ANO4: variants seen among roughly 807,000 people sequenced by gnomAD.
The protein encoded by ANO4 is anoctamin 4.
Under a neutral mutation model 141.9 loss-of-function variants are expected in ANO4, and 69 were observed. That is an observed-to-expected ratio of 0.49 (90% CI 0.40 to 0.59). ANO4 has a LOEUF of 0.59. Among genes scored for constraint, ANO4 ranks in the 20% least tolerant of loss-of-function variants. The pLI, the probability that ANO4 is intolerant of heterozygous loss-of-function variation, is 0.00. For synonymous variants in ANO4, 350 were observed against 394.3 expected (o/e 0.89, Z 1.33); for missense variants, 894 against 1,162.2 (o/e 0.77, Z 3.36).
chr12:100,774,793 A>G (rs534182803), intron 3 of ANO4, among the ~76,000 whole-genome samples: 1 of 152,348 alleles, frequency 6.6e-6, no homozygotes, highest in African/African-American at 2.4e-5. Flanking sequence ...TCCTATAATC[A>G]TCAGTCACTT....
intron 2 of ANO4, among the ~76,000 whole-genome samples, chr12:100,921,767 AGT>A (rs2041642207): frequency 6.6e-6 from 1 of 152,146 alleles, no homozygotes; most frequent in Non-Finnish European, 1.5e-5. Context: ...GAGGGACCTA[AGT>A]ATTAATACCT....
At chr12:100,899,396 C>T (rs1176495011) in intron 1 of ANO4, among the ~76,000 whole-genome samples, 2 of 152,150 alleles carry the variant, frequency 1.3e-5, no homozygotes, top group African/African-American at 4.8e-5. Context: ...ACTGGAAGCC[C>T]AATCCTAATC....
chr12:100,732,593 A>G (rs886312949), intron 1 of ANO4, among the ~76,000 whole-genome samples: 1 of 151,886 alleles, frequency 6.6e-6, no homozygotes, highest in Non-Finnish European at 1.5e-5. Context: ...TATTTTTTTC[A>G]TGGATCTTGT....
At chr12:101,034,901 T>G (rs751903523) in intron 9 of ANO4, among the ~76,000 whole-genome samples, 1 of 152,208 alleles carries the variant, frequency 6.6e-6, no homozygotes, top group Non-Finnish European at 1.5e-5. Flanking sequence ...TTTAAAAGAC[T>G]GACCATACCA....
chr12:100,787,352 T>G (rs1010595276), intron 3 of ANO4, among the ~76,000 whole-genome samples: 1 of 152,182 alleles, frequency 6.6e-6, no homozygotes, highest in African/African-American at 2.4e-5. Flanking sequence ...GCCAGGACCC[T>G]GAAGTTTTCA....
At chr12:100,773,154 C>T (rs11110514) in intron 3 of ANO4, among the ~76,000 whole-genome samples, 101,858 of 152,106 alleles carry the variant, frequency 0.67, 34,285 homozygotes, top group East Asian at 0.79. Context: ...TCCTCATTCA[C>T]AGATGGTATT....
In ANO4 at chr12:101,029,005, G is replaced by A. The variant is rs774227436; in HGVS notation, c.842-8090G>A. ...CTCTCAGCAGAAACTCCACAAGTCA[G>A]AAGAGATTGGGGGCCAGTATTCAAC... On this transcript the variant is annotated intron_variant, in intron 9 of 27. Coordinates refer to ENST00000392977, the MANE Select transcript of ANO4 (RefSeq NM_001286615.2). 2.2e-4 allele frequency among the ~76,000 whole-genome samples: 34 copies of A among 152,216 alleles called. 1 individual carries two copies. Among genetic ancestry groups the A allele is most frequent in the Admixed American group, 1.1e-3 (17 of 15,282 alleles).
rs1442886739 is a variant in ANO4, at chr12:100,922,026, C to T, written c.56-200C>T. The stretch of plus-strand genomic sequence containing the variant: ...ATTTTGCATTGGAAATACAAGTGAA[C>T]CTTTTTGGTCCCATAAAATGCAAAT... On this transcript the variant is annotated intron_variant, in intron 2 of 27. Transcript: ENST00000392977. Among the ~76,000 whole-genome samples the T allele has an allele frequency of 2.0e-5, 3 of 150,542 alleles. No individual in the cohort carries two copies. The East Asian group carries it at 5.8e-4, about 29-fold the overall frequency.
chr12:101,007,779 G>C (rs914588383), intron 8 of ANO4, among the ~76,000 whole-genome samples: 3 of 152,126 alleles, frequency 2.0e-5, no homozygotes, highest in African/African-American at 7.2e-5. Flanking sequence ...GAGCACAGCT[G>C]CGTGATCATA....
At chr12:100,780,808 C>T (rs1210735354) in intron 3 of ANO4, among the ~76,000 whole-genome samples, 4 of 152,118 alleles carry the variant, frequency 2.6e-5, no homozygotes, top group Non-Finnish European at 4.4e-5. Context: ...CCTCCCAAAA[C>T]GCTGGGATTA....
chr12:100,913,291 T>C (rs1272547984), intron 2 of ANO4, among the ~76,000 whole-genome samples: 3 of 152,206 alleles, frequency 2.0e-5, no homozygotes, highest in Non-Finnish European at 4.4e-5. Context: ...AAATGGTTAA[T>C]TTCTGGAAAA....
intron 4 of ANO4, 66 bp downstream of exon 4, chr12:100,939,517 C>T (rs2042421092): frequency 1.9e-6 from 3 of 1,554,248 alleles, no homozygotes; most frequent in South Asian, 2.4e-5. Flanking sequence ...AAGCATGTTC[C>T]AATGGACTGT....
intron 1 of ANO4, among the ~76,000 whole-genome samples, chr12:100,883,273 A>C (rs2039660142): frequency 6.6e-6 from 1 of 152,252 alleles, no homozygotes; most frequent in Non-Finnish European, 1.5e-5. Flanking sequence ...TATTGATCTA[A>C]GAGTGAAGTA....
intron 1 of ANO4, among the ~76,000 whole-genome samples, chr12:100,840,108 A>G (rs1380724082): frequency 7.3e-6 from 1 of 136,694 alleles, no homozygotes; most frequent in East Asian, 2.1e-4. Context: ...CATGAAAAAG[A>G]AGTCCTTAAA....
intron 1 of ANO4, among the ~76,000 whole-genome samples, chr12:100,899,239 A>G (rs1275555708): frequency 1.3e-5 from 2 of 152,218 alleles, no homozygotes; most frequent in Non-Finnish European, 2.9e-5. Flanking sequence ...TTGTGGGCTT[A>G]GAAACAACAT....
At chr12:100,911,516 G>T (rs1266262753) in intron 2 of ANO4, among the ~76,000 whole-genome samples, 1 of 152,176 alleles carries the variant, frequency 6.6e-6, no homozygotes, top group Non-Finnish European at 1.5e-5. Flanking sequence ...ATTTCCTTCA[G>T]TGTAAGTGAT....
At chr12:100,718,887 A>G (rs1480159188) in intron 1 of ANO4, among the ~76,000 whole-genome samples, 4 of 152,112 alleles carry the variant, frequency 2.6e-5, no homozygotes, top group Non-Finnish European at 5.9e-5. Flanking sequence ...CTATTTTTAC[A>G]CCTTTTCCTA....
chr12:101,001,245 C>A (rs1474838269), intron 8 of ANO4, among the ~76,000 whole-genome samples: 1 of 152,094 alleles, frequency 6.6e-6, no homozygotes, highest in Non-Finnish European at 1.5e-5. Context: ...GAACTAGGAT[C>A]CCATCTGTTG....
chr12:100,853,597 T>C (rs1272763926), intron 1 of ANO4, among the ~76,000 whole-genome samples: 2 of 143,910 alleles, frequency 1.4e-5, no homozygotes, highest in Non-Finnish European at 3.0e-5. Flanking sequence ...TAAATAACTT[T>C]TGGTATCCAA....
Sources: allele counts gnomAD v4.1 joint callset (sites outside exome capture counted in the v4.1 genomes callset), GRCh38; gene constraint gnomAD v4.1.1; transcripts MANE v1.5; gene names NCBI Gene and HGNC (gene_info 2026-07-23, HGNC 2026-07-21).